Variants in SLC33A1 observed in about 807,000 individuals in gnomAD.
SLC33A1 encodes acetyl-coenzyme A transporter 1.
Under a neutral mutation model 50.0 loss-of-function variants are expected in SLC33A1, and 20 were observed. That is an observed-to-expected ratio of 0.40 (90% CI 0.28 to 0.58). SLC33A1 has a LOEUF of 0.58. Among genes scored for constraint, SLC33A1 ranks in the 20% least tolerant of loss-of-function variants. The pLI, the probability that SLC33A1 is intolerant of heterozygous loss-of-function variation, is 0.44. For missense variants in SLC33A1, 476 were observed against 657.0 expected, an observed-to-expected ratio of 0.72 and a Z score of 3.01; for synonymous variants, 265 against 251.8, an observed-to-expected ratio of 1.05 and a Z score of -0.50.
chr3:155,824,377 A>AC lies in SLC33A1; in HGVS notation c.*3832dup, dbSNP rs1752155770. The AC allele has an allele frequency of 6.6e-6, 1 of 152,184 alleles. No homozygotes were observed. Among genetic ancestry groups the AC allele is most frequent in the Non-Finnish European group, 1.5e-5 (1 of 68,036 alleles). The allele number at this position is 152,184 out of a possible 1,614,324, so 9.4% of individuals were successfully genotyped here. On this transcript the variant is annotated 3_prime_UTR_variant, in exon 6 of 6. Coordinates refer to ENST00000643144, the MANE Select transcript of SLC33A1 (RefSeq NM_004733.4). The stretch of plus-strand genomic sequence containing the variant: ...GCTTTTATATCAAATAATGGTCTCA[A>AC]CCATTTAATACAAAGCAACATACTT...
rs1752258626 is a variant in SLC33A1, at chr3:155,828,056, A to G, written c.*154T>C. 4 of 622,226 alleles carry G rather than the reference A, an allele frequency of 6.4e-6. No homozygotes were observed. In the South Asian group the frequency reaches 8.8e-5, roughly 14 times the overall value. 38.5% of individuals were successfully genotyped at this position (622,226 alleles called of 1,614,324 possible). On this transcript the variant is annotated 3_prime_UTR_variant, in exon 6 of 6. Coordinates refer to ENST00000643144, the MANE Select transcript of SLC33A1 (RefSeq NM_004733.4). Reference sequence around the variant, plus strand: ...AAAAAAAAAATATGATCAAATATACAGAAAGGTTTCTATTTTTTCAACCAT... The same window carrying G: ...AAAAAAAAAATATGATCAAATATACGGAAAGGTTTCTATTTTTTCAACCAT...
chr3:155,847,427 T>G (rs1753215173), intron 1 of SLC33A1, among the ~76,000 whole-genome samples: 1 of 151,996 alleles, frequency 6.6e-6, no homozygotes, highest in Non-Finnish European at 1.5e-5. Context: ...CAGGTAGGAA[T>G]TAATAGTCCT....
chr3:155,845,272 A>T (rs1475431916), intron 1 of SLC33A1, among the ~76,000 whole-genome samples: 1 of 136,234 alleles, frequency 7.3e-6, no homozygotes, highest in Non-Finnish European at 1.5e-5. Flanking sequence ...CAATACCAAG[A>T]GAAAAAAGAA....
At chr3:155,837,661 C>T (rs182079353) in intron 2 of SLC33A1, among the ~76,000 whole-genome samples, 18 of 152,014 alleles carry the variant, frequency 1.2e-4, no homozygotes, top group East Asian at 7.7e-4. Flanking sequence ...ATCCATACAA[C>T]GGAATACTAT....
At position 155,853,833 on chromosome 3, in the gene SLC33A1, A is replaced by G; in HGVS notation, c.165T>C (p.Asp55=). ...CTTTTAAGAAGTCGCCAGTGCCGGT[A>G]TCCCCCAGAAGAGCTTCTCTGTCCC... ...REGDREALLG[D]TGTGDFLKAP... Residue 55 remains aspartate (D), a synonymous_variant, in exon 1 of 6, where the codon GAT becomes GAC. Coordinates refer to ENST00000643144, the MANE Select transcript of SLC33A1 (RefSeq NM_004733.4). 1 of 1,608,584 alleles carries G rather than the reference A, an allele frequency of 6.2e-7. No individual in the cohort carries two copies. The highest frequency in any genetic ancestry group is 1.1e-5 in the South Asian group (1 of 90,654).
At chr3:155,846,826 G>C (rs1404250901) in intron 1 of SLC33A1, among the ~76,000 whole-genome samples, 1 of 152,034 alleles carries the variant, frequency 6.6e-6, no homozygotes, top group Non-Finnish European at 1.5e-5. Context: ...ATATGCCAAA[G>C]GAAATTCAAA....
chr3:155,841,440 G>A (rs1275862760), intron 2 of SLC33A1, among the ~76,000 whole-genome samples: 1 of 152,058 alleles, frequency 6.6e-6, no homozygotes, highest in Non-Finnish European at 1.5e-5. Context: ...CAAAAGATAG[G>A]TGCAAAGTGT....
chr3:155,851,681 G>C (rs905625233), intron 1 of SLC33A1, among the ~76,000 whole-genome samples: 1 of 152,094 alleles, frequency 6.6e-6, no homozygotes, highest in East Asian at 1.9e-4. Context: ...GCCTCCCAAA[G>C]TGCTGGGATT....
intron 1 of SLC33A1, 40 bp from the exon 2 acceptor site, chr3:155,842,659 C>T: frequency 9.6e-7 from 1 of 1,039,034 alleles, no homozygotes. Context: ...TTTAAAATTA[C>T]ATAATTTCAT....
Position 155,833,532 on chromosome 3 carries a change from T to C in SLC33A1, c.1202A>G (p.Glu401Gly), listed in dbSNP as rs1752534236. 3 of 1,605,458 alleles carry C rather than the reference T, an allele frequency of 1.9e-6. No homozygotes were observed. The East Asian group carries it at 6.7e-5, about 36-fold the overall frequency. ...ATATATAGGGAATCCCCCTTGATGT[T>C]CTACTTTAGGAGTCCACCAAACCAG... Reference protein sequence around the residue: ...ALLVWWTPKVEHQGGFPIYYY... With the variant: ...ALLVWWTPKVGHQGGFPIYYY... The change falls in exon 4 of 6, where the codon GAA (glutamate) becomes GGA (glycine). Residue 401 changes from glutamate (E) to glycine (G), a missense_variant. By Grantham distance (98) the Glu-to-Gly change is moderately conservative. Transcript: ENST00000643144.
At position 155,828,020 on chromosome 3, in the gene SLC33A1, A is replaced by G. The variant is rs1752256184; in HGVS notation, c.*190T>C. The G allele has an allele frequency of 3.7e-6, 2 of 543,810 alleles. No individual in the cohort carries two copies. The highest frequency in any genetic ancestry group is 3.1e-5 in the East Asian group (1 of 31,836). The allele number at this position is 543,810 out of a possible 1,614,324, so 33.7% of individuals were successfully genotyped here. A position where few individuals can be genotyped will look rare whatever the true frequency, so the allele number is the denominator to read the frequency against. ...CTGACCTTAAGTAAACTTTAAATAC[A>G]TTGACAAGGCAAAAAAAAAATATGA... On this transcript the variant is annotated 3_prime_UTR_variant, in exon 6 of 6. Transcript: ENST00000643144.
Position 155,854,062 on chromosome 3 carries a change from C to A in SLC33A1, c.-65G>T, listed in dbSNP as rs1303003005. On this transcript the variant is annotated 5_prime_UTR_variant, in exon 1 of 6. Coordinates refer to ENST00000643144, the MANE Select transcript of SLC33A1 (RefSeq NM_004733.4). ...GCTGAGCGTTTTGGATCCGTCCAGT[C>A]CCAGGTCCAAGGCTGTCGCGCTGGA... 2 of 1,382,168 alleles carry A rather than the reference C, an allele frequency of 1.4e-6. No individual in the cohort carries two copies. Among genetic ancestry groups the A allele is most frequent in the Middle Eastern group, 2.5e-4 (1 of 4,022 alleles). The allele number at this position is 1,382,168 out of a possible 1,614,324, so 85.6% of individuals were successfully genotyped here. A position where few individuals can be genotyped will look rare whatever the true frequency, so the allele number is the denominator to read the frequency against.
chr3:155,840,301 T>C (rs1170077362), intron 2 of SLC33A1, among the ~76,000 whole-genome samples: 1 of 151,848 alleles, frequency 6.6e-6, no homozygotes, highest in Non-Finnish European at 1.5e-5. Context: ...TTGGCCAGGC[T>C]GGTCTCGAAC....
chr3:155,823,153 A>T lies in SLC33A1; in HGVS notation c.*5057T>A, dbSNP rs1253902813. ...TTAAGCAGGAGGGAATGAGTTCAGC[A>T]CATTAATTAGTCTGCCCTGCTATAA... On this transcript the variant is annotated 3_prime_UTR_variant, in exon 6 of 6. Coordinates refer to ENST00000643144, the MANE Select transcript of SLC33A1 (RefSeq NM_004733.4). 2 of 152,236 alleles carry T rather than the reference A, an allele frequency of 1.3e-5. No homozygotes were observed. The highest frequency in any genetic ancestry group is 1.5e-5 in the Non-Finnish European group (1 of 68,044). 9.4% of individuals were successfully genotyped at this position (152,236 alleles called of 1,614,324 possible).
chr3:155,844,447 A>ATTTT (rs1753062149), intron 1 of SLC33A1, among the ~76,000 whole-genome samples: 1 of 29,172 alleles, frequency 3.4e-5, no homozygotes, highest in South Asian at 2.1e-3. Context: ...ATATATATAT[A>ATTTT]TATATATATA....
intron 1 of SLC33A1, among the ~76,000 whole-genome samples, chr3:155,846,121 G>A (rs1365379263): frequency 6.6e-6 from 1 of 152,112 alleles, no homozygotes; most frequent in African/African-American, 2.4e-5. Flanking sequence ...ACCAATAAAG[G>A]TACAATAGCT....
intron 4 of SLC33A1, among the ~76,000 whole-genome samples, chr3:155,831,392 G>A (rs1052341172): frequency 1.5e-5 from 2 of 133,138 alleles, no homozygotes; most frequent in East Asian, 5.2e-4. Context: ...GGAGGTGGAG[G>A]TATCACAGTG....
intron 1 of SLC33A1, among the ~76,000 whole-genome samples, chr3:155,852,602 G>A (rs1024713912): frequency 2.0e-5 from 3 of 152,128 alleles, no homozygotes; most frequent in Non-Finnish European, 2.9e-5. Context: ...TCCTGGCCTC[G>A]TGGAATCTTA....
intron 4 of SLC33A1, among the ~76,000 whole-genome samples, chr3:155,830,177 C>T (rs2109305645): frequency 6.7e-6 from 1 of 149,020 alleles, no homozygotes; most frequent in East Asian, 2.0e-4. Context: ...TCCTGGCTAA[C>T]ACGGTGAAAC....
Sources: allele counts gnomAD v4.1 joint callset (sites outside exome capture counted in the v4.1 genomes callset), GRCh38; gene constraint gnomAD v4.1.1; transcripts MANE v1.5; gene names NCBI Gene and HGNC (gene_info 2026-07-23, HGNC 2026-07-21).